CEP295: variants seen among roughly 807,000 people sequenced by gnomAD.
CEP295 encodes the protein centrosomal protein 295, also known as centrosomal protein of 295 kDa.
In CEP295, 190 loss-of-function variants were observed where a neutral mutation model predicts 291.6. The ratio of observed to expected loss-of-function variants is 0.65; its 90% CI spans 0.58 to 0.73. The LOEUF (loss-of-function observed/expected upper bound fraction) is 0.73. CEP295 is among the 30% of genes least tolerant of loss of function. The probability of loss-of-function intolerance (pLI) is 0.00; values close to 1 mark genes in which losing one functional copy is unlikely to be tolerated. For synonymous variants in CEP295, 993 were observed against 1,038.8 expected (o/e 0.96, Z 0.85); for missense variants, 2,863 against 2,949.4 (o/e 0.97, Z 0.68).
At position 93,727,202 on chromosome 11, in the gene CEP295, T is replaced by C. The variant is rs1292147321; in HGVS notation, c.6726T>C (p.Ser2242=). ...IGNLSSVYSS[S]DEANVFDQLN... ...ACTTAAGTTCAGTCTACAGTTCATC[T>C]GATGAAGCTAATGTATTTGATCAGT... The change falls in exon 24 of 30, where the codon TCT becomes TCC. Residue 2242 remains serine (S), a synonymous_variant. Transcript: ENST00000325212. 2 of 1,551,306 alleles carry C rather than the reference T, an allele frequency of 1.3e-6. No homozygotes were observed. The highest frequency in any genetic ancestry group is 2.0e-5 in the Admixed American group (1 of 50,950).
At chr11:93,672,740 G>A (rs1452628432) in intron 5 of CEP295, among the ~76,000 whole-genome samples, 1 of 152,182 alleles carries the variant, frequency 6.6e-6, no homozygotes, top group Non-Finnish European at 1.5e-5. Context: ...AGTAAATTAA[G>A]TGATTTTAAA....
In CEP295 at chr11:93,666,696, A is replaced by C; in HGVS notation, c.-12A>C. On this transcript the variant is annotated 5_prime_UTR_variant, in exon 2 of 30. The change abolishes the stop of an existing upstream ORF in the 5' untranslated region. Coordinates refer to ENST00000325212, the MANE Select transcript of CEP295 (RefSeq NM_033395.2). ...TTTGAATTCAGAACTGTCATACATA[A>C]AGTACACAGAAATGAAGAGAAAAGT... The C allele has an allele frequency of 7.2e-7, 1 of 1,381,898 alleles. No individual in the cohort carries two copies. The highest frequency in any genetic ancestry group is 1.3e-5 in the South Asian group (1 of 78,184). The allele number at this position is 1,381,898 out of a possible 1,614,324, so 85.6% of individuals were successfully genotyped here. A position where few individuals can be genotyped will look rare whatever the true frequency, so the allele number is the denominator to read the frequency against.
intron 17 of CEP295, among the ~76,000 whole-genome samples, chr11:93,706,438 G>A (rs1952515685): frequency 6.6e-6 from 1 of 152,090 alleles, no homozygotes; most frequent in South Asian, 2.1e-4. Context: ...ATTAGTTGTG[G>A]TTATTTTTGA....
intron 1 of CEP295, among the ~76,000 whole-genome samples, chr11:93,665,657 AAG>A (rs1267625634): frequency 1.3e-5 from 2 of 152,226 alleles, no homozygotes; most frequent in Non-Finnish European, 2.9e-5. Context: ...GTGGTAAGCC[AAG>A]ATTGTGTCAT....
chr11:93,679,813 A>T (rs538293019), intron 7 of CEP295, among the ~76,000 whole-genome samples: 1 of 152,348 alleles, frequency 6.6e-6, no homozygotes, highest in Admixed American at 6.5e-5. Flanking sequence ...ATATGTCCAA[A>T]AACAGCCTGA....
intron 18 of CEP295, among the ~76,000 whole-genome samples, chr11:93,707,372 T>C (rs1952572207): frequency 6.6e-6 from 1 of 152,010 alleles, no homozygotes; most frequent in South Asian, 2.1e-4. Context: ...TATATATGTA[T>C]ATATATATAG....
chr11:93,712,345 G>A (rs951642270), intron 18 of CEP295, among the ~76,000 whole-genome samples: 11 of 151,924 alleles, frequency 7.2e-5, no homozygotes, highest in Admixed American at 1.3e-4. Flanking sequence ...CCTCCGCCTC[G>A]TGGGTTCAAG....
In CEP295 at chr11:93,699,709, G is replaced by A. The variant is rs1388402468; in HGVS notation, c.4797G>A (p.Gln1599=). 6.4e-7 allele frequency: 1 copy of A among 1,551,636 alleles called. No individual in the cohort carries two copies. Among genetic ancestry groups the A allele is most frequent in the Non-Finnish European group, 8.7e-7 (1 of 1,147,034 alleles). The change falls in exon 15 of 30, where the codon CAG becomes CAA. Residue 1599 remains glutamine, a synonymous_variant. Transcript: ENST00000325212. Reference sequence around the variant, plus strand: ...GTTTATCAAAGCCTATTCTGCCTCAGCAAGATAATATGACAGCACAATTGG... The same window carrying A: ...GTTTATCAAAGCCTATTCTGCCTCAACAAGATAATATGACAGCACAATTGG... The part of the protein sequence containing the change: ...LLSLSKPILP[Q]QDNMTAQLDA...
rs1951586014 is a variant in CEP295 at position 93,692,096 on chromosome 11, G to A, written c.1533+66G>A. The A allele has an allele frequency of 7.7e-6, 7 of 910,226 alleles. No individual in the cohort carries two copies. The South Asian group carries it at 1.2e-4, about 15-fold the overall frequency. The allele number at this position is 910,226 out of a possible 1,614,324, so 56.4% of individuals were successfully genotyped here. On this transcript the variant is annotated intron_variant, in intron 12 of 29. Coordinates refer to ENST00000325212, the MANE Select transcript of CEP295 (RefSeq NM_033395.2). ...AGGTACTATTATATAATTTTGTTTG[G>A]CCAATGAAATTTGTCTTAATGTCTG...
chr11:93,704,134 C>G (rs1952370090), intron 17 of CEP295, among the ~76,000 whole-genome samples: 2 of 151,944 alleles, frequency 1.3e-5, no homozygotes, highest in Admixed American at 6.6e-5. Flanking sequence ...AATTCAGATT[C>G]ACTAAATAAT....
At chr11:93,679,664 GTC>G (rs1429053005) in intron 7 of CEP295, 112 bp downstream of exon 7, 1 of 783,402 alleles carries the variant, frequency 1.3e-6, no homozygotes. Flanking sequence ...GTTCAATATA[GTC>G]TCTGATTCAT....
intron 22 of CEP295, 110 bp downstream of exon 22, chr11:93,724,485 G>C (rs932043783): frequency 1.8e-6 from 2 of 1,121,998 alleles, no homozygotes; most frequent in African/African-American, 3.1e-5. Context: ...TCACATGGAA[G>C]TCTGGGCACA....
chr11:93,667,800 A>T lies in CEP295; in HGVS notation c.302A>T (p.Lys101Ile), dbSNP rs1434953753. Residue 101 changes from lysine (K) to isoleucine (I), a missense_variant, in exon 3 of 30, where the codon AAA becomes ATA. Transcript: ENST00000325212. The stretch of plus-strand genomic sequence containing the variant: ...ATGGGAGAGGGACATCGACAGGCCA[A>T]AGAAAATGTGAGTGAGATCTTATTT... ...RSMGEGHRQA[K>I]ENEPDLDALA... The T allele has an allele frequency of 2.6e-6, 4 of 1,547,242 alleles. No individual in the cohort carries two copies. The highest frequency in any genetic ancestry group is 1.7e-6 in the Non-Finnish European group (2 of 1,144,944).
intron 6 of CEP295, among the ~76,000 whole-genome samples, chr11:93,676,257 C>G (rs1317196783): frequency 1.3e-5 from 2 of 151,948 alleles, no homozygotes; most frequent in Non-Finnish European, 2.9e-5. Context: ...TGATACAGAT[C>G]ATTAAATTGC....
intron 18 of CEP295, among the ~76,000 whole-genome samples, chr11:93,715,058 C>G (rs1377504727): frequency 6.6e-6 from 1 of 152,210 alleles, no homozygotes; most frequent in Non-Finnish European, 1.5e-5. Context: ...GTGAAGCCAG[C>G]TGGTCTTATG....
At chr11:93,703,991 C>A (rs751393295) in intron 17 of CEP295, among the ~76,000 whole-genome samples, 1 of 151,828 alleles carries the variant, frequency 6.6e-6, no homozygotes, top group Non-Finnish European at 1.5e-5. Context: ...GGATGGTCTC[C>A]ATCTCCTGAC....
chr11:93,662,154 C>T (rs1049957371), intron 1 of CEP295, among the ~76,000 whole-genome samples: 2 of 152,222 alleles, frequency 1.3e-5, no homozygotes, highest in Admixed American at 1.3e-4. Context: ...TTGCCTGGAT[C>T]GTTTCATGCA....
chr11:93,676,930 A>G (rs766895005), intron 6 of CEP295, among the ~76,000 whole-genome samples: 10 of 152,084 alleles, frequency 6.6e-5, no homozygotes, highest in Admixed American at 1.3e-4. Context: ...GACCACAAAC[A>G]AATTTTGTTT....
Position 93,702,631 on chromosome 11 carries a change from C to A in CEP295, c.5446C>A (p.Gln1816Lys). 6.5e-7 allele frequency: 1 copy of A among 1,542,860 alleles called. No homozygotes were observed. The highest frequency in any genetic ancestry group is 8.7e-7 in the Non-Finnish European group (1 of 1,143,382). The change falls in exon 16 of 30, where the codon CAA becomes AAA. Residue 1816 changes from glutamine to lysine, a missense_variant. Transcript: ENST00000325212. ...GGCTTCAGAAGATACTAGTGCCAAG[C>A]AAAGTGGTAAGATAATTGTGTTTGA... is the stretch of plus-strand genomic sequence containing the variant. ...HLASEDTSAKQSGEHLEKDLG... is the reference protein window; with the variant it reads ...HLASEDTSAKKSGEHLEKDLG...
Sources: allele counts gnomAD v4.1 joint callset (sites outside exome capture counted in the v4.1 genomes callset), GRCh38; gene constraint gnomAD v4.1.1; transcripts MANE v1.5; gene names NCBI Gene and HGNC (gene_info 2026-07-23, HGNC 2026-07-21).